GRM3: variants seen among roughly 807,000 people sequenced by gnomAD.
GRM3 encodes the protein glutamate metabotropic receptor 3.
A neutral mutation model predicts 70.5 loss-of-function variants in GRM3; 26 were observed. The ratio of observed to expected loss-of-function variants is 0.37; its 90% CI spans 0.27 to 0.51. The LOEUF is 0.51. GRM3 is among the 20% of genes least tolerant of loss of function. GRM3 has a pLI of 0.93. For missense variants in GRM3, 859 were observed against 1,123.8 expected, an observed-to-expected ratio of 0.76 and a Z score of 3.37; for synonymous variants, 443 against 434.9, an observed-to-expected ratio of 1.02 and a Z score of -0.23.
At chr7:86,735,020 A>G (rs548852585) in intron 1 of GRM3, among the ~76,000 whole-genome samples, 2 of 152,346 alleles carry the variant, frequency 1.3e-5, no homozygotes, top group South Asian at 4.1e-4. Flanking sequence ...GTTGGAAGGA[A>G]GGCAATAAAT....
At chr7:86,808,479 G>C (rs1361029045) in intron 3 of GRM3, among the ~76,000 whole-genome samples, 1 of 150,004 alleles carries the variant, frequency 6.7e-6, no homozygotes, top group African/African-American at 2.5e-5. Flanking sequence ...ACCCTCTTCT[G>C]TAGCTTTTTT....
chr7:86,840,043 T>G lies in GRM3; in HGVS notation c.2391+138T>G, dbSNP rs533889838. The G allele has an allele frequency of 3.6e-5, 22 of 617,656 alleles. No homozygotes were observed. The East Asian group carries it at 3.8e-4, about 11-fold the overall frequency. 38.3% of individuals were successfully genotyped at this position (617,656 alleles called of 1,614,324 possible). A position where few individuals can be genotyped will look rare whatever the true frequency, so the allele number is the denominator to read the frequency against. ...TGCCATGATGAGCCTGTATATTGTA[T>G]GTTAAAATTAATTATGTATGTAGAT... On this transcript the variant is annotated intron_variant, in intron 4 of 5. Coordinates refer to ENST00000361669, the MANE Select transcript of GRM3 (RefSeq NM_000840.3).
chr7:86,741,965 T>C (rs1040141976), intron 1 of GRM3, among the ~76,000 whole-genome samples: 1 of 151,496 alleles, frequency 6.6e-6, no homozygotes, highest in African/African-American at 2.4e-5. Context: ...CAAAATTTAA[T>C]GGCTTAAAAT....
chr7:86,785,761 G>A (rs1272287958), intron 2 of GRM3, among the ~76,000 whole-genome samples: 1 of 128,294 alleles, frequency 7.8e-6, no homozygotes, highest in Non-Finnish European at 1.6e-5. Flanking sequence ...CTGCCCATGT[G>A]GCATGCAGTT....
intron 1 of GRM3, among the ~76,000 whole-genome samples, chr7:86,736,385 G>T (rs959528063): frequency 6.6e-6 from 1 of 152,208 alleles, no homozygotes; most frequent in Non-Finnish European, 1.5e-5. Flanking sequence ...AGCTGCCAAA[G>T]TTCATGAAAC....
chr7:86,742,173 G>T (rs935886949), intron 1 of GRM3, among the ~76,000 whole-genome samples: 2 of 152,122 alleles, frequency 1.3e-5, no homozygotes, highest in Non-Finnish European at 2.9e-5. Flanking sequence ...TAGTGCATGT[G>T]CCTCTCTATA....
intron 3 of GRM3, among the ~76,000 whole-genome samples, chr7:86,792,994 G>T (rs546751635): frequency 1.2e-4 from 17 of 147,310 alleles, no homozygotes; most frequent in African/African-American, 3.5e-4. Context: ...TGCTTGGTTG[G>T]CTTAGTTCAT....
intron 1 of GRM3, among the ~76,000 whole-genome samples, chr7:86,681,231 A>T (rs1246248410): frequency 6.6e-6 from 1 of 152,154 alleles, no homozygotes; most frequent in Non-Finnish European, 1.5e-5. Context: ...GAGCTGTAAC[A>T]AAACTGATAC....
At chr7:86,790,408 C>G (rs1797376977) in intron 3 of GRM3, among the ~76,000 whole-genome samples, 1 of 152,192 alleles carries the variant, frequency 6.6e-6, no homozygotes, top group African/African-American at 2.4e-5. Context: ...ACCACCATCT[C>G]TAGCCTACAT....
intron 1 of GRM3, among the ~76,000 whole-genome samples, chr7:86,665,012 G>A (rs1793990453): frequency 6.6e-6 from 1 of 151,936 alleles, no homozygotes; most frequent in African/African-American, 2.4e-5. Context: ...ATAAATTTTA[G>A]TCTTGCAATA....
At chr7:86,676,322 C>CA (rs1389733922) in intron 1 of GRM3, among the ~76,000 whole-genome samples, 1 of 151,694 alleles carries the variant, frequency 6.6e-6, no homozygotes, top group Non-Finnish European at 1.5e-5. Context: ...CAGAGGAAGA[C>CA]AAAAAATATC....
chr7:86,841,318 A>T (rs1451425295), intron 4 of GRM3, among the ~76,000 whole-genome samples: 2 of 152,186 alleles, frequency 1.3e-5, no homozygotes, highest in African/African-American at 4.8e-5. Context: ...GAAGAAGGTA[A>T]GTTCAATGTT....
intron 1 of GRM3, among the ~76,000 whole-genome samples, chr7:86,706,648 T>C (rs1795063713): frequency 6.6e-6 from 1 of 151,740 alleles, no homozygotes; most frequent in African/African-American, 2.4e-5. Flanking sequence ...ATCCGGGAGC[T>C]AAGAGCCAAG....
intron 1 of GRM3, among the ~76,000 whole-genome samples, chr7:86,709,628 T>G (rs1157941010): frequency 6.6e-6 from 1 of 152,066 alleles, no homozygotes; most frequent in East Asian, 1.9e-4. Context: ...ACACCTGAGA[T>G]TCTCTGCTAT....
chr7:86,767,693 T>C (rs1442949799), intron 2 of GRM3, among the ~76,000 whole-genome samples: 1 of 151,802 alleles, frequency 6.6e-6, no homozygotes, highest in Non-Finnish European at 1.5e-5. Context: ...GGCTTATATA[T>C]ATGCGCTTTT....
At chr7:86,694,198 C>T (rs1005638993) in intron 1 of GRM3, among the ~76,000 whole-genome samples, 14 of 152,200 alleles carry the variant, frequency 9.2e-5, no homozygotes, top group Non-Finnish European at 1.8e-4. Context: ...CCAAATAACT[C>T]ACTCAGAAAT....
At chr7:86,784,292 CTG>C (rs1405290936) in intron 2 of GRM3, 3 of 152,060 alleles carry the variant, frequency 2.0e-5, no homozygotes, top group Admixed American at 2.0e-4. Flanking sequence ...GATTGTTTCA[CTG>C]TGATTCTTCG....
chr7:86,754,279 A>G (rs1796295224), intron 1 of GRM3, among the ~76,000 whole-genome samples: 1 of 152,140 alleles, frequency 6.6e-6, no homozygotes, highest in Non-Finnish European at 1.5e-5. Flanking sequence ...TTCCATGATT[A>G]AAAATGTCTC....
At chr7:86,688,961 G>A (rs1478197187) in intron 1 of GRM3, among the ~76,000 whole-genome samples, 5 of 147,758 alleles carry the variant, frequency 3.4e-5, no homozygotes, top group Non-Finnish European at 7.5e-5. Flanking sequence ...CATAGTCTTG[G>A]TCAATTAATT....
Sources: allele counts gnomAD v4.1 joint callset (sites outside exome capture counted in the v4.1 genomes callset), GRCh38; gene constraint gnomAD v4.1.1; transcripts MANE v1.5; gene names NCBI Gene and HGNC (gene_info 2026-07-23, HGNC 2026-07-21).